PPP4R4: variants seen among roughly 807,000 people sequenced by gnomAD.
PPP4R4 encodes serine/threonine-protein phosphatase 4 regulatory subunit 4.
A neutral mutation model predicts 121.8 loss-of-function variants in PPP4R4; 70 were observed. The observed-to-expected ratio is 0.57, with a 90% confidence interval of 0.47 to 0.70. The LOEUF (loss-of-function observed/expected upper bound fraction) is 0.70. Ranked by LOEUF, PPP4R4 falls within the 30% of genes least tolerant of loss-of-function variation. The pLI is 0.00. For missense variants in PPP4R4, 875 were observed against 1,033.6 expected (o/e 0.85, Z 2.10); for synonymous variants, 348 against 355.7 (o/e 0.98, Z 0.24).
chr14:94,246,843 T>C (rs1251644884), intron 14 of PPP4R4, among the ~76,000 whole-genome samples: 1 of 152,162 alleles, frequency 6.6e-6, no homozygotes, highest in Non-Finnish European at 1.5e-5. Context: ...TAGTTCTTCT[T>C]AAGAGGAAGG....
Position 94,278,639 on chromosome 14 carries a change from C to T in PPP4R4, c.2618C>T (p.Pro873Leu), listed in dbSNP as rs576288488. Residue 873 changes from proline (P) to leucine (L), a missense_variant, in exon 25 of 25, where the codon CCT becomes CTT. Physicochemically the swap from Pro to Leu is moderately conservative, Grantham distance 98. Transcript: ENST00000304338. ...KATLKSRKSN[P>L] ...CAAAGAAAATCCAGAAAATCCAATC[C>T]TTAAATCAACTGCTTGATGAAGGAG... 4.9e-5 allele frequency: 77 copies of T among 1,584,168 alleles called. 1 individual carries two copies. The South Asian group carries it at 8.6e-4, about 18-fold the overall frequency.
intron 2 of PPP4R4, among the ~76,000 whole-genome samples, chr14:94,198,350 T>A (rs974309876): frequency 1.4e-4 from 21 of 152,344 alleles, no homozygotes; most frequent in African/African-American, 5.0e-4. Context: ...GGTGAGGTGT[T>A]CAAATCTTTT....
At chr14:94,267,078 A>G (rs1305006774) in intron 23 of PPP4R4, 49 bp downstream of exon 23, 11 of 1,305,418 alleles carry the variant, frequency 8.4e-6, no homozygotes, top group Admixed American at 2.0e-5. Flanking sequence ...TTAACAAAAT[A>G]TTATTTTCCT....
intron 2 of PPP4R4, among the ~76,000 whole-genome samples, chr14:94,207,738 C>T (rs529699417): frequency 6.6e-6 from 1 of 151,434 alleles, no homozygotes; most frequent in African/African-American, 2.4e-5. Flanking sequence ...ATTTCAAGTA[C>T]TTTCAGAACT....
chr14:94,279,518 C>G lies in PPP4R4; in HGVS notation c.*875C>G, dbSNP rs1263852030. 6.6e-6 allele frequency: 1 copy of G among 152,544 alleles called. No homozygotes were observed. The highest frequency in any genetic ancestry group is 1.5e-5 in the Non-Finnish European group (1 of 68,032). 9.4% of individuals were successfully genotyped at this position (152,544 alleles called of 1,614,324 possible). A position where few individuals can be genotyped will look rare whatever the true frequency, so the allele number is the denominator to read the frequency against. ...AGTTCTTAATTTTAAACTGTCAGTT[C>G]TTGAGATATACCGTGTGAAGCTATT... On this transcript the variant is annotated 3_prime_UTR_variant, in exon 25 of 25. Transcript: ENST00000304338.
At position 94,242,272 on chromosome 14, in the gene PPP4R4, C is replaced by T; in HGVS notation, c.1147-17C>T. The T allele has an allele frequency of 1.9e-6, 3 of 1,609,746 alleles. No homozygotes were observed. The highest frequency in any genetic ancestry group is 2.2e-5 in the South Asian group (2 of 90,744). The stretch of plus-strand genomic sequence containing the variant: ...TTCTTTCCTTCCCACTCATCTCCTC[C>T]CTTCCACCTCCACCAGGCCATGATT... On this transcript the variant is annotated splice_polypyrimidine_tract_variant and intron_variant, in intron 10 of 24. Transcript: ENST00000304338.
At position 94,275,428 on chromosome 14, in the gene PPP4R4, A is replaced by G. The variant is rs756461809; in HGVS notation, c.2504A>G (p.Asn835Ser). 3.1e-6 allele frequency: 5 copies of G among 1,613,884 alleles called. No individual in the cohort carries two copies. The East Asian group carries it at 8.9e-5, about 29-fold the overall frequency. ...AGCGTTCCATCTTCCTTTTCTCCTA[A>G]TACTCCCTTACCGAGTACTTCCCGT... ...ASSVPSSFSP[N>S]TPLPSTSRGT... Residue 835 changes from asparagine (N) to serine (S), a missense_variant, in exon 24 of 25, where the codon AAT (asparagine) becomes AGT (serine). Transcript: ENST00000304338.
chr14:94,258,941 G>A lies in PPP4R4; in HGVS notation c.2052+117G>A, dbSNP rs915527482. 9.2e-6 allele frequency: 9 copies of A among 982,388 alleles called. No individual in the cohort carries two copies. The Admixed American group carries it at 9.7e-5, about 11-fold the overall frequency. 60.9% of individuals were successfully genotyped at this position (982,388 alleles called of 1,614,324 possible). On this transcript the variant is annotated intron_variant, in intron 18 of 24. Coordinates refer to ENST00000304338, the MANE Select transcript of PPP4R4 (RefSeq NM_058237.2). Reference sequence around the variant, plus strand: ...GGTTTAATTGAACTCACAGTTCCACGTGGCTGGGGAGGCCTCACAATCGTG... The same window carrying A: ...GGTTTAATTGAACTCACAGTTCCACATGGCTGGGGAGGCCTCACAATCGTG...
intron 17 of PPP4R4, 57 bp from the exon 18 acceptor site, chr14:94,258,726 A>T: frequency 1.6e-6 from 2 of 1,286,540 alleles, no homozygotes; most frequent in Non-Finnish European, 2.2e-6. Flanking sequence ...TTGCTGAGAA[A>T]TGATTGGTTG....
chr14:94,187,072 T>C (rs2139393041), intron 2 of PPP4R4, among the ~76,000 whole-genome samples: 1 of 152,290 alleles, frequency 6.6e-6, no homozygotes, highest in Middle Eastern at 3.4e-3. Context: ...CCCAGCACTT[T>C]GGGAGTCCGA....
At chr14:94,177,982 A>T (rs1177529313) in intron 2 of PPP4R4, among the ~76,000 whole-genome samples, 1 of 152,158 alleles carries the variant, frequency 6.6e-6, no homozygotes, top group Non-Finnish European at 1.5e-5. Context: ...TTATGTATGG[A>T]TTCTCCAACT....
intron 2 of PPP4R4, among the ~76,000 whole-genome samples, chr14:94,196,577 G>A (rs112999956): frequency 0.02 from 2,989 of 152,070 alleles, 90 homozygotes; most frequent in African/African-American, 0.067. Flanking sequence ...GCCTCCCAAA[G>A]TGCTGGGATT....
intron 2 of PPP4R4, among the ~76,000 whole-genome samples, chr14:94,195,653 G>C (rs990820145): frequency 2.6e-5 from 4 of 151,940 alleles, no homozygotes; most frequent in African/African-American, 7.3e-5. Flanking sequence ...CTAGATTACA[G>C]TAGTATTTCC....
At chr14:94,230,459 A>G (rs1190817853) in intron 3 of PPP4R4, 128 bp from the exon 4 acceptor site, 17 of 791,254 alleles carry the variant, frequency 2.1e-5, no homozygotes, top group Non-Finnish European at 2.9e-5. Flanking sequence ...ATAAGTACAT[A>G]TCCTTAAAGG....
chr14:94,258,841 T>C lies in PPP4R4; in HGVS notation c.2052+17T>C. 2 of 1,574,120 alleles carry C rather than the reference T, an allele frequency of 1.3e-6. No homozygotes were observed. The highest frequency in any genetic ancestry group is 1.7e-6 in the Non-Finnish European group (2 of 1,145,586). On this transcript the variant is annotated intron_variant, in intron 18 of 24. Transcript: ENST00000304338. ...ATGGATGCTGTAAGTATACTCTCTT[T>C]ACCTTATTGTGTTGGTCCATTTTCA...
intron 1 of PPP4R4, 63 bp downstream of exon 1, chr14:94,174,645 G>T (rs1888561360): frequency 2.5e-6 from 4 of 1,581,360 alleles, no homozygotes; most frequent in Non-Finnish European, 2.6e-6. Flanking sequence ...GCGGTCCCGC[G>T]CTGATCTCTG....
At chr14:94,233,545 G>A (rs929774426) in intron 5 of PPP4R4, 108 bp from the exon 6 acceptor site, 3 of 668,788 alleles carry the variant, frequency 4.5e-6, no homozygotes, top group Non-Finnish European at 7.7e-6. Flanking sequence ...CGTAATTCAG[G>A]TTCTTTAAAA....
chr14:94,249,832 T>G (rs535298597), intron 14 of PPP4R4, among the ~76,000 whole-genome samples: 7 of 152,114 alleles, frequency 4.6e-5, no homozygotes, highest in Admixed American at 1.3e-4. Context: ...TAGCAAATGT[T>G]TGTCAGATGA....
At chr14:94,231,679 T>C (rs1478362549) in intron 5 of PPP4R4, among the ~76,000 whole-genome samples, 1 of 152,142 alleles carries the variant, frequency 6.6e-6, no homozygotes, top group East Asian at 1.9e-4. Flanking sequence ...AATATTTTAC[T>C]TGTGAAACAT....
Sources: gnomAD v4.1 joint callset for allele counts (sites outside exome capture counted in the v4.1 genomes callset) on GRCh38, gnomAD v4.1.1 for gene constraint, MANE v1.5 for transcripts, NCBI Gene and HGNC (gene_info 2026-07-23, HGNC 2026-07-21) for gene names.